The following TSPAN5 variants were observed in gnomAD, a reference collection of about 807,000 sequenced individuals.
The protein encoded by TSPAN5 is tetraspanin 5.
In TSPAN5, 10 loss-of-function variants were observed where a neutral mutation model predicts 37.1. That is an observed-to-expected ratio of 0.27 (90% confidence interval 0.17 to 0.46). TSPAN5 has a LOEUF of 0.46. TSPAN5 is among the 20% of genes least tolerant of loss of function. The pLI, the probability that TSPAN5 is intolerant of heterozygous loss-of-function variation, is 1.00. For synonymous variants in TSPAN5, 110 were observed against 118.9 expected, an observed-to-expected ratio of 0.93 and a Z score of 0.48; for missense variants, 195 against 326.6, an observed-to-expected ratio of 0.60 and a Z score of 3.11.
intron 5 of TSPAN5, among the ~76,000 whole-genome samples, chr4:98,478,077 A>G (rs1309493692): frequency 6.6e-6 from 1 of 152,160 alleles, no homozygotes; most frequent in Admixed American, 6.5e-5. Context: ...TCTTTTTTAT[A>G]ATAAAATGCA....
chr4:98,472,315 ACG>A lies in TSPAN5; in HGVS notation c.*205_*206del. On this transcript the variant is annotated 3_prime_UTR_variant, in exon 8 of 8. Coordinates refer to ENST00000305798, the MANE Select transcript of TSPAN5 (RefSeq NM_005723.4). The stretch of plus-strand genomic sequence containing the variant: ...GGCTACAGTAGAGATTCACGGCGCA[ACG>A]ACTTTCATACTGGTTATTTTTTTTT... 1 of 454,504 alleles carries A rather than the reference ACG, an allele frequency of 2.2e-6. No homozygotes were observed. The allele number at this position is 454,504 out of a possible 1,614,324, so 28.2% of individuals were successfully genotyped here. A position where few individuals can be genotyped will look rare whatever the true frequency, so the allele number is the denominator to read the frequency against.
chr4:98,522,093 T>C (rs1213003654), intron 1 of TSPAN5, among the ~76,000 whole-genome samples: 2 of 152,222 alleles, frequency 1.3e-5, no homozygotes, highest in Non-Finnish European at 2.9e-5. Flanking sequence ...CAGGAGAATG[T>C]AACTTCAAAG....
intron 1 of TSPAN5, among the ~76,000 whole-genome samples, chr4:98,630,057 G>A (rs1360198327): frequency 6.6e-6 from 1 of 152,138 alleles, no homozygotes; most frequent in Admixed American, 6.5e-5. Flanking sequence ...ACTGCATTTG[G>A]TGTGGTCAGA....
chr4:98,520,177 A>G (rs1276891050), intron 1 of TSPAN5, among the ~76,000 whole-genome samples: 1 of 152,232 alleles, frequency 6.6e-6, no homozygotes, highest in Non-Finnish European at 1.5e-5. Flanking sequence ...ATAAAAGGGC[A>G]GCAGGAAACC....
At chr4:98,541,079 T>C (rs530569049) in intron 1 of TSPAN5, among the ~76,000 whole-genome samples, 4 of 152,308 alleles carry the variant, frequency 2.6e-5, no homozygotes, top group East Asian at 1.9e-4. Context: ...TCTTTGAAGC[T>C]CAACTTCCTT....
intron 1 of TSPAN5, among the ~76,000 whole-genome samples, chr4:98,558,737 C>T (rs1456700330): frequency 2.0e-5 from 3 of 152,164 alleles, no homozygotes; most frequent in Non-Finnish European, 4.4e-5. Context: ...TCACCCTTAG[C>T]GAGCCTCAGA....
At chr4:98,646,360 T>C (rs1757069618) in intron 1 of TSPAN5, among the ~76,000 whole-genome samples, 1 of 152,160 alleles carries the variant, frequency 6.6e-6, no homozygotes, top group African/African-American at 2.4e-5. Context: ...GGATTTATGA[T>C]ACCATAAAGA....
chr4:98,496,033 C>T (rs1455869029), intron 2 of TSPAN5, among the ~76,000 whole-genome samples: 1 of 152,130 alleles, frequency 6.6e-6, no homozygotes, highest in African/African-American at 2.4e-5. Context: ...CCAACCCCTC[C>T]ATAAACCAGA....
chr4:98,586,250 G>A (rs1755481426), intron 1 of TSPAN5, among the ~76,000 whole-genome samples: 1 of 152,150 alleles, frequency 6.6e-6, no homozygotes, highest in Non-Finnish European at 1.5e-5. Flanking sequence ...TTTAAAAGTA[G>A]TATTTTGAAA....
intron 1 of TSPAN5, among the ~76,000 whole-genome samples, chr4:98,562,733 G>A (rs1754910179): frequency 6.6e-6 from 1 of 152,176 alleles, no homozygotes; most frequent in African/African-American, 2.4e-5. Context: ...GGGGAGGACT[G>A]AGAAGGCTTG....
chr4:98,511,935 C>G (rs1161473934), intron 1 of TSPAN5, among the ~76,000 whole-genome samples: 2 of 152,114 alleles, frequency 1.3e-5, no homozygotes, highest in African/African-American at 2.4e-5. Flanking sequence ...AATTTTAAGG[C>G]CAGGTGCAGG....
chr4:98,582,547 G>A (rs1258973684), intron 1 of TSPAN5, among the ~76,000 whole-genome samples: 1 of 152,206 alleles, frequency 6.6e-6, no homozygotes, highest in Non-Finnish European at 1.5e-5. Context: ...TGCCACAGAT[G>A]TGAGCACAAA....
chr4:98,477,803 T>C (rs934013320), intron 5 of TSPAN5, among the ~76,000 whole-genome samples: 28 of 151,634 alleles, frequency 1.8e-4, no homozygotes, highest in African/African-American at 6.6e-4. Flanking sequence ...GGACCACGGG[T>C]GTGTGCCACC....
At chr4:98,646,002 A>G (rs1560572713) in intron 1 of TSPAN5, among the ~76,000 whole-genome samples, 1 of 152,096 alleles carries the variant, frequency 6.6e-6, no homozygotes, top group Non-Finnish European at 1.5e-5. Context: ...CTACTAATTT[A>G]GCACGCCCTG....
rs955392493 is a variant in TSPAN5, at chr4:98,484,789, C to G, written c.279+1949G>C. ...CCAGCCTGGCCAACATGGTGAAACC[C>G]CATCTTTACTTAAAAAAAAAAAATA... On this transcript the variant is annotated intron_variant, in intron 3 of 7. Coordinates refer to ENST00000305798, the MANE Select transcript of TSPAN5 (RefSeq NM_005723.4). 8.9e-5 allele frequency: 27 copies of G among 304,326 alleles called. 1 individual carries two copies. The highest frequency in any genetic ancestry group is 8.0e-4 in the South Asian group (27 of 33,634). The allele number at this position is 304,326 out of a possible 1,614,324, so 18.9% of individuals were successfully genotyped here. A position where few individuals can be genotyped will look rare whatever the true frequency, so the allele number is the denominator to read the frequency against.
At chr4:98,523,408 AAT>A (rs1273526711) in intron 1 of TSPAN5, among the ~76,000 whole-genome samples, 1 of 152,238 alleles carries the variant, frequency 6.6e-6, no homozygotes, top group African/African-American at 2.4e-5. Flanking sequence ...AATTCAGATG[AAT>A]ATTAAAAAAT....
In TSPAN5 at chr4:98,533,275, T is replaced by C. The variant is rs113334608; in HGVS notation, c.82-25547A>G. Among the ~76,000 whole-genome samples, 143 of 152,280 alleles carry C rather than the reference T, an allele frequency of 9.4e-4. 2 individuals carry two copies. The highest frequency in any genetic ancestry group is 3.2e-3 in the African/African-American group (135 of 41,558). ...TTTCAGAAGGAATGGTATCATCTCC[T>C]GTTTGTACCTCTGGTAGAATTCGGC... On this transcript the variant is annotated intron_variant, in intron 1 of 7. Transcript: ENST00000305798.
At chr4:98,557,536 T>C (rs951685671) in intron 1 of TSPAN5, among the ~76,000 whole-genome samples, 5 of 152,232 alleles carry the variant, frequency 3.3e-5, no homozygotes, top group African/African-American at 1.2e-4. Context: ...CCAAGTAGTT[T>C]TTAAAATCAC....
intron 1 of TSPAN5, among the ~76,000 whole-genome samples, chr4:98,610,878 T>C (rs866007481): frequency 6.6e-6 from 1 of 152,136 alleles, no homozygotes; most frequent in South Asian, 2.1e-4. Context: ...CTAGCTCTAG[T>C]CAGGCATGTG....
Sources: gnomAD v4.1 joint callset for allele counts (sites outside exome capture counted in the v4.1 genomes callset) on GRCh38, gnomAD v4.1.1 for gene constraint, MANE v1.5 for transcripts, NCBI Gene and HGNC (gene_info 2026-07-23, HGNC 2026-07-21) for gene names.